The following AR variants were observed in gnomAD, a reference collection of about 807,000 sequenced individuals.
AR encodes dihydrotestosterone receptor.
AR carries 8 observed loss-of-function variants against 53.9 expected under a neutral mutation model. The observed-to-expected ratio is 0.15, with a 90% CI of 0.09 to 0.27. The LOEUF is 0.27. AR is among the 10% of genes least tolerant of loss of function. AR has a pLI of 1.00. For synonymous variants in AR, 359 were observed against 316.4 expected, an observed-to-expected ratio of 1.13 and a Z score of -1.43; for missense variants, 639 against 742.5, an observed-to-expected ratio of 0.86 and a Z score of 1.62.
intron 1 of AR, among the ~76,000 whole-genome samples, chrX:67,570,715 A>G (rs777170215): frequency 9.0e-6 from 1 of 110,760 alleles, no homozygotes; most frequent in South Asian, 3.9e-4. Context: ...GATGAGACTT[A>G]TCACAAATAA....
At position 67,673,371 on chromosome X, in the gene AR, C is replaced by G. The variant is rs188142586; in HGVS notation, c.1769-12639C>G. On this transcript the variant is annotated intron_variant, in intron 2 of 7. Coordinates refer to ENST00000374690, the MANE Select transcript of AR (RefSeq NM_000044.6). ...CCAAGATCTCTCTTTCTCTCTCTGT[C>G]TCTCTCTCTCTCTCTCTCTCCTTCT... Among the ~76,000 whole-genome samples, 868 of 105,415 alleles carry G rather than the reference C, an allele frequency of 8.2e-3. 6 individuals are homozygous for G. The highest frequency in any genetic ancestry group is 0.029 in the African/African-American group (825 of 28,894). 91.5% of individuals were successfully genotyped at this position (105,415 alleles called of 115,157 possible). A position where few individuals can be genotyped will look rare whatever the true frequency, so the allele number is the denominator to read the frequency against.
intron 1 of AR, among the ~76,000 whole-genome samples, chrX:67,560,468 C>T (rs1921248031): frequency 8.9e-6 from 1 of 111,940 alleles, no homozygotes; most frequent in African/African-American, 3.2e-5. Flanking sequence ...TCTTTAAGCT[C>T]CTTAAGGGTG....
intron 3 of AR, chrX:67,694,812 T>C: frequency 8.9e-7 from 1 of 1,120,645 alleles, no homozygotes; most frequent in Non-Finnish European, 1.2e-6. Context: ...GCTTAGGAGC[T>C]TAGGTTTTTG....
chrX:67,646,855 TG>T (rs1282559465), intron 2 of AR, among the ~76,000 whole-genome samples: 1 of 111,318 alleles, frequency 9.0e-6, no homozygotes, highest in Non-Finnish European at 1.9e-5. Flanking sequence ...CATAAGTTTT[TG>T]GTCTTGCTTT....
chrX:67,553,919 G>A (rs1212301765), intron 1 of AR, among the ~76,000 whole-genome samples: 1 of 112,054 alleles, frequency 8.9e-6, no homozygotes, highest in Non-Finnish European at 1.9e-5. Context: ...AAATACCTGA[G>A]TTTTGAATGC....
At chrX:67,670,172 C>A (rs1458250899) in intron 2 of AR, among the ~76,000 whole-genome samples, 1 of 81,855 alleles carries the variant, frequency 1.2e-5, no homozygotes, top group African/African-American at 4.5e-5. Flanking sequence ...ACTATATATG[C>A]TTTATATATA....
chrX:67,696,777 G>A (rs1407481649), intron 3 of AR, among the ~76,000 whole-genome samples: 1 of 111,016 alleles, frequency 9.0e-6, no homozygotes, highest in African/African-American at 3.3e-5. Flanking sequence ...TCTCATCCCT[G>A]TCCTAGTTCT....
chrX:67,600,832 G>A (rs1020475413), intron 1 of AR, among the ~76,000 whole-genome samples: 5 of 110,321 alleles, frequency 4.5e-5, no homozygotes, highest in Non-Finnish European at 9.5e-5. Flanking sequence ...TACATCCATT[G>A]TGTACTCACA....
chrX:67,593,629 C>G (rs993183582), intron 1 of AR, among the ~76,000 whole-genome samples: 2 of 111,967 alleles, frequency 1.8e-5, no homozygotes, highest in South Asian at 7.5e-4. Flanking sequence ...GGATTACAGG[C>G]GTGTGCCAGT....
At chrX:67,582,923 T>C (rs1325627654) in intron 1 of AR, among the ~76,000 whole-genome samples, 1 of 111,718 alleles carries the variant, frequency 9.0e-6, no homozygotes, top group Non-Finnish European at 1.9e-5. Flanking sequence ...CACATGGAGA[T>C]AATTTGGAAG....
rs1347144748 is a variant in AR at position 67,723,005 on chromosome X, G to C, written c.2607+21G>C. 3.3e-6 allele frequency: 4 copies of C among 1,207,919 alleles called. No individual in the cohort carries two copies. The African/African-American group carries it at 7.0e-5, about 21-fold the overall frequency. Reference sequence around the variant, plus strand: ...AGCCTGTAAGCAAACGATGGAGGGTGCTTTATCAGGGAGAACAGCCTGATA... The same window carrying C: ...AGCCTGTAAGCAAACGATGGAGGGTCCTTTATCAGGGAGAACAGCCTGATA... On this transcript the variant is annotated intron_variant, in intron 7 of 7. Transcript: ENST00000374690.
In AR at chrX:67,544,568, GC is replaced by G. The variant is rs1167014877; in HGVS notation, c.-578del. 2 of 165,123 alleles carry G rather than the reference GC, an allele frequency of 1.2e-5. No homozygotes were observed. Among genetic ancestry groups the G allele is most frequent in the African/African-American group, 6.3e-5 (2 of 31,615 alleles). 13.6% of individuals were successfully genotyped at this position (165,123 alleles called of 1,213,427 possible). A position where few individuals can be genotyped will look rare whatever the true frequency, so the allele number is the denominator to read the frequency against. On this transcript the variant is annotated 5_prime_UTR_variant, in exon 1 of 8. Coordinates refer to ENST00000374690, the MANE Select transcript of AR (RefSeq NM_000044.6). ...TGCAAAGAAGGCTCTTAGGAGCCAG[GC>G]GACTGGGGAGCGGCTTCAGCACTGC...
At chrX:67,708,731 T>G (rs2076080067) in intron 3 of AR, among the ~76,000 whole-genome samples, 1 of 111,966 alleles carries the variant, frequency 8.9e-6, no homozygotes, top group Non-Finnish European at 1.9e-5. Flanking sequence ...TTTTAGAATG[T>G]TTCAGTTTTT....
intron 1 of AR, among the ~76,000 whole-genome samples, chrX:67,632,518 C>T (rs937264415): frequency 8.9e-5 from 10 of 112,243 alleles, no homozygotes; most frequent in African/African-American, 3.2e-4. Context: ...TGCGCTGCAC[C>T]CACTGACCTG....
chrX:67,548,000 C>A (rs1238783920), intron 1 of AR, among the ~76,000 whole-genome samples: 1 of 112,259 alleles, frequency 8.9e-6, no homozygotes, highest in Non-Finnish European at 1.9e-5. Flanking sequence ...GGAGGACAGA[C>A]TGAATTGGGG....
intron 1 of AR, among the ~76,000 whole-genome samples, chrX:67,551,933 G>A (rs921739203): frequency 3.6e-5 from 4 of 111,841 alleles, no homozygotes; most frequent in South Asian, 7.4e-4. Flanking sequence ...AGCTCATCTC[G>A]ATAAATTTAT....
intron 2 of AR, among the ~76,000 whole-genome samples, chrX:67,661,505 C>A (rs1256066688): frequency 3.6e-5 from 4 of 111,642 alleles, no homozygotes; most frequent in African/African-American, 1.3e-4. Context: ...TGTTTATATG[C>A]TGGATTATGT....
chrX:67,709,927 C>G (rs2076086666), intron 3 of AR, among the ~76,000 whole-genome samples: 1 of 111,966 alleles, frequency 8.9e-6, no homozygotes, highest in African/African-American at 3.3e-5. Flanking sequence ...TTAAAAACCC[C>G]ATTCCCATAT....
At chrX:67,557,396 G>A (rs895764692) in intron 1 of AR, among the ~76,000 whole-genome samples, 4 of 112,244 alleles carry the variant, frequency 3.6e-5, no homozygotes, top group Non-Finnish European at 3.8e-5. Context: ...GGTGAAGACT[G>A]TATGTAGAGC....
Sources: gnomAD v4.1 joint callset for allele counts (sites outside exome capture counted in the v4.1 genomes callset) on GRCh38, gnomAD v4.1.1 for gene constraint, MANE v1.5 for transcripts, NCBI Gene and HGNC (gene_info 2026-07-23, HGNC 2026-07-21) for gene names.